Variants in SLC1A2 observed in about 807,000 individuals in gnomAD.
The protein encoded by SLC1A2 is solute carrier family 1 member 2.
In SLC1A2, 15 loss-of-function variants were observed where a neutral mutation model predicts 48.8. That is an observed-to-expected ratio of 0.31 (90% CI 0.21 to 0.47). SLC1A2 has a LOEUF of 0.47. Ranked by LOEUF, SLC1A2 falls within the 20% of genes least tolerant of loss-of-function variation. The pLI is 0.99. For missense variants in SLC1A2, 502 were observed against 730.5 expected (o/e 0.69, Z 3.61); for synonymous variants, 279 against 272.6 (o/e 1.02, Z -0.23).
intron 1 of SLC1A2, among the ~76,000 whole-genome samples, chr11:35,318,398 A>T (rs1232654634): frequency 6.6e-6 from 1 of 152,220 alleles, no homozygotes; most frequent in Non-Finnish European, 1.5e-5. Flanking sequence ...GATATCTTAG[A>T]ACATTTTTTT....
intron 1 of SLC1A2, among the ~76,000 whole-genome samples, chr11:35,369,903 C>T (rs1853999951): frequency 6.6e-6 from 1 of 152,112 alleles, no homozygotes; most frequent in Admixed American, 6.5e-5. Context: ...AAGAAACAGT[C>T]CATATAGGAA....
chr11:35,277,081 C>G (rs936403790), intron 9 of SLC1A2, among the ~76,000 whole-genome samples: 2 of 152,232 alleles, frequency 1.3e-5, no homozygotes, highest in African/African-American at 4.8e-5. Context: ...CAACCCCACT[C>G]ATGAGGGTGG....
At chr11:35,357,611 T>C (rs1288096248) in intron 1 of SLC1A2, among the ~76,000 whole-genome samples, 2 of 152,090 alleles carry the variant, frequency 1.3e-5, no homozygotes, top group African/African-American at 4.8e-5. Context: ...TCCTGCAAAA[T>C]AGTTAAACAA....
chr11:35,409,857 C>T (rs1855407967), intron 1 of SLC1A2, among the ~76,000 whole-genome samples: 3 of 152,120 alleles, frequency 2.0e-5, no homozygotes, highest in South Asian at 4.2e-4. Flanking sequence ...TGCAGTGAGC[C>T]GAGATCATGC....
At chr11:35,375,595 A>G (rs955716268) in intron 1 of SLC1A2, among the ~76,000 whole-genome samples, 1 of 152,226 alleles carries the variant, frequency 6.6e-6, no homozygotes, top group East Asian at 1.9e-4. Flanking sequence ...TGGGCCCTCC[A>G]GTCAAGGTGG....
At chr11:35,280,756 G>A (rs1416908762) in intron 9 of SLC1A2, 111 bp downstream of exon 9, 6 of 641,674 alleles carry the variant, frequency 9.4e-6, no homozygotes, top group Admixed American at 5.6e-5. Flanking sequence ...AAGGAAGAGT[G>A]AGGGAGTTGC....
intron 9 of SLC1A2, among the ~76,000 whole-genome samples, chr11:35,275,232 C>A (rs1347913763): frequency 6.6e-6 from 1 of 152,244 alleles, no homozygotes; most frequent in Admixed American, 6.5e-5. Flanking sequence ...GCCGTCTCAA[C>A]TATATTCCCC....
chr11:35,403,145 G>A (rs759606513), intron 1 of SLC1A2, among the ~76,000 whole-genome samples: 1 of 152,188 alleles, frequency 6.6e-6, no homozygotes, highest in Non-Finnish European at 1.5e-5. Context: ...TATGCCGAAC[G>A]CTTCACACAC....
rs1852237195 is a variant in SLC1A2, at chr11:35,325,985, A to T, written c.18-8469T>A. Reference sequence around the variant, plus strand: ...ATCTCAAAAAAAAAAAAAAAAAAAAAGGAGGGAACACCTGCATTGGGAAAA... The same window carrying T: ...ATCTCAAAAAAAAAAAAAAAAAAAATGGAGGGAACACCTGCATTGGGAAAA... On this transcript the variant is annotated intron_variant, in intron 1 of 10. Coordinates refer to ENST00000278379, the MANE Select transcript of SLC1A2 (RefSeq NM_004171.4). Among the ~76,000 whole-genome samples, 6 of 116,054 alleles carry T rather than the reference A, an allele frequency of 5.2e-5. No individual in the cohort carries two copies. In the South Asian group the frequency reaches 1.8e-3, roughly 34 times the overall value. 76.1% of individuals were successfully genotyped at this position (116,054 alleles called of 152,430 possible).
intron 8 of SLC1A2, among the ~76,000 whole-genome samples, chr11:35,282,178 T>A (rs1454542421): frequency 6.6e-6 from 1 of 152,052 alleles, no homozygotes; most frequent in East Asian, 1.9e-4. Context: ...CTGGGTGTGA[T>A]CTACAGACCC....
chr11:35,374,796 T>G (rs147940527), intron 1 of SLC1A2, among the ~76,000 whole-genome samples: 1 of 151,154 alleles, frequency 6.6e-6, no homozygotes, highest in Non-Finnish European at 1.5e-5. Flanking sequence ...CTTATAATTT[T>G]GTCTTATACT....
intron 4 of SLC1A2, chr11:35,307,144 CA>C (rs1591452795): frequency 2.0e-5 from 3 of 152,196 alleles, no homozygotes; most frequent in Non-Finnish European, 4.4e-5. Flanking sequence ...ACTCATGATC[CA>C]CCTGTTTTCC....
At chr11:35,380,363 G>C in intron 1 of SLC1A2, 1 of 398,598 alleles carries the variant, frequency 2.5e-6, no homozygotes. Context: ...TGTAGCCCTG[G>C]TCATTGTGAG....
At chr11:35,392,035 C>A (rs1165503233) in intron 1 of SLC1A2, among the ~76,000 whole-genome samples, 1 of 152,122 alleles carries the variant, frequency 6.6e-6, no homozygotes, top group African/African-American at 2.4e-5. Context: ...AAGCTAATAA[C>A]AAAATAGTTT....
chr11:35,315,224 A>G (rs1269128854), intron 2 of SLC1A2, 49 bp from the exon 3 acceptor site: 6 of 1,447,756 alleles, frequency 4.1e-6, no homozygotes, highest in Middle Eastern at 2.2e-4. Flanking sequence ...CCTTCGTCAA[A>G]TGACTTACTC....
chr11:35,296,831 T>A (rs999602202), intron 6 of SLC1A2, among the ~76,000 whole-genome samples: 2 of 152,172 alleles, frequency 1.3e-5, no homozygotes, highest in Non-Finnish European at 2.9e-5. Flanking sequence ...TATCTCTCGC[T>A]ATTGCACGGC....
intron 7 of SLC1A2, among the ~76,000 whole-genome samples, chr11:35,288,007 CA>C (rs1252669810): frequency 1.3e-5 from 2 of 152,172 alleles, no homozygotes; most frequent in Non-Finnish European, 2.9e-5. Context: ...CAGCTTTTGT[CA>C]AAGTTTCCTC....
intron 1 of SLC1A2, among the ~76,000 whole-genome samples, chr11:35,416,389 C>T (rs1209453764): frequency 6.6e-6 from 1 of 152,168 alleles, no homozygotes; most frequent in Non-Finnish European, 1.5e-5. Context: ...ATAATTTTAT[C>T]CTTAAAGTCT....
intron 1 of SLC1A2, among the ~76,000 whole-genome samples, chr11:35,374,737 C>T (rs1854170255): frequency 6.6e-6 from 1 of 150,972 alleles, no homozygotes; most frequent in African/African-American, 2.4e-5. Flanking sequence ...GAGCTTAGAA[C>T]ATTGCTAAGC....
Sources: allele counts gnomAD v4.1 joint callset (sites outside exome capture counted in the v4.1 genomes callset), GRCh38; gene constraint gnomAD v4.1.1; transcripts MANE v1.5; gene names NCBI Gene and HGNC (gene_info 2026-07-23, HGNC 2026-07-21).